Variants in PSORS1C1 observed in about 807,000 individuals in gnomAD.
The protein encoded by PSORS1C1 is psoriasis susceptibility 1 candidate 1.
PSORS1C1 carries 7 observed loss-of-function variants against 9.4 expected under a neutral mutation model. The ratio of observed to expected loss-of-function variants is 0.75; its 90% CI spans 0.42 to 1.40. The LOEUF (loss-of-function observed/expected upper bound fraction) is 1.40. Among genes scored for constraint, PSORS1C1 ranks in the 40% most tolerant of loss-of-function variants. PSORS1C1 has a pLI of 0.01. For synonymous variants in PSORS1C1, 63 were observed against 69.4 expected, an observed-to-expected ratio of 0.91 and a Z score of 0.46; for missense variants, 146 against 178.1, an observed-to-expected ratio of 0.82 and a Z score of 1.02.
chr6:31,131,334 T>G (rs1336934152), intron 3 of PSORS1C1, among the ~76,000 whole-genome samples: 2 of 152,088 alleles, frequency 1.3e-5, no homozygotes, highest in African/African-American at 4.8e-5. Context: ...TGGCTTATGC[T>G]TGTAATCCCA....
intron 3 of PSORS1C1, among the ~76,000 whole-genome samples, chr6:31,131,364 C>T (rs565414098): frequency 9.0e-4 from 137 of 152,128 alleles, no homozygotes; most frequent in African/African-American, 3.2e-3. Flanking sequence ...GAAGCCAAGG[C>T]TGGTGGATCA....
In PSORS1C1 at chr6:31,140,058, C is replaced by T. The variant is rs556638752; in HGVS notation, c.*126C>T. On this transcript the variant is annotated 3_prime_UTR_variant, in exon 6 of 6. Transcript: ENST00000259881. This position sits in a 1 kb window ranked among gnomAD's most constrained non-coding sequence, Gnocchi z 4.6. ...CTCCCAGGTTGTTCCCTGCCTGGTC[C>T]GCTACCCCACAGTAAGGAACACCTT... 147 of 850,986 alleles carry T rather than the reference C, an allele frequency of 1.7e-4. No homozygotes were observed. The East Asian group carries it at 3.2e-3, about 18-fold the overall frequency. 52.7% of individuals were successfully genotyped at this position (850,986 alleles called of 1,614,324 possible). A position where few individuals can be genotyped will look rare whatever the true frequency, so the allele number is the denominator to read the frequency against.
chr6:31,130,995 C>T (rs180761671), intron 3 of PSORS1C1, among the ~76,000 whole-genome samples: 3 of 151,930 alleles, frequency 2.0e-5, no homozygotes, highest in African/African-American at 4.8e-5. Context: ...GTTCAGCTAA[C>T]TTATTTTGTT....
rs763583045 is a variant in PSORS1C1, at chr6:31,139,685, T to A, written c.212T>A (p.Leu71Gln). 1 of 1,613,032 alleles carries A rather than the reference T, an allele frequency of 6.2e-7. No homozygotes were observed. The highest frequency in any genetic ancestry group is 2.2e-5 in the East Asian group (1 of 44,882). Residue 71 changes from leucine (L) to glutamine (Q), a missense_variant, in exon 6 of 6, where the codon CTG (leucine) becomes CAG (glutamine). By Grantham distance (113) the Leu-to-Gln change is moderately radical (BLOSUM62 -2). Transcript: ENST00000259881. This position sits in a 1 kb window ranked among gnomAD's most constrained non-coding sequence, Gnocchi z 5.2. ...GCAATGATATCCAAGGAATTCCATCTGGCAGCCACCCAGGATGACTGCAGA... is the reference window on the plus strand; with the variant it reads ...GCAATGATATCCAAGGAATTCCATCAGGCAGCCACCCAGGATGACTGCAGA... ...LQAMISKEFHLAATQDDCRKG... is the reference protein window; with the variant it reads ...LQAMISKEFHQAATQDDCRKG...
intron 1 of PSORS1C1, among the ~76,000 whole-genome samples, chr6:31,123,731 G>C (rs1484664865): frequency 6.6e-6 from 1 of 152,254 alleles, no homozygotes. Flanking sequence ...GCCCTGTGCT[G>C]CTGTGTTTGC....
chr6:31,116,322 G>A lies in PSORS1C1; in HGVS notation c.-229+1431G>A, dbSNP rs750708523. On this transcript the variant is annotated intron_variant, in intron 1 of 5. Transcript: ENST00000259881. The stretch of plus-strand genomic sequence containing the variant: ...TGGATTGGGAACTGGAGCTGCTGCT[G>A]AAGGAGCCGGTGCCTGGTGGGGAGC... 1.2e-5 allele frequency: 19 copies of A among 1,613,676 alleles called. No homozygotes were observed. In the Admixed American group the frequency reaches 1.3e-4, roughly 11 times the overall value.
chr6:31,130,506 G>C (rs1772864523), intron 3 of PSORS1C1, among the ~76,000 whole-genome samples: 1 of 151,892 alleles, frequency 6.6e-6, no homozygotes, highest in African/African-American at 2.4e-5. Context: ...CCGCCTCCCG[G>C]GTTCACGCCA....
chr6:31,119,959 C>T (rs1470177710), intron 1 of PSORS1C1, among the ~76,000 whole-genome samples: 1 of 152,068 alleles, frequency 6.6e-6, no homozygotes, highest in Non-Finnish European at 1.5e-5. Context: ...GTGCTTAAAA[C>T]AGAGTCTAGC....
At chr6:31,136,918 AGGTGGGCAGATCACGAT>A (rs937704024) in intron 3 of PSORS1C1, among the ~76,000 whole-genome samples, 5 of 152,172 alleles carry the variant, frequency 3.3e-5, no homozygotes, top group Admixed American at 3.3e-4. Flanking sequence ...TGGGAGGCCG[AGGTGGGCAGATCACGAT>A]GTCAGGAGTT....
Position 31,125,299 on chromosome 6 carries a change from C to T in PSORS1C1, c.-228-377C>T, listed in dbSNP as rs377214793. ...CTCCAGCGAGAGGCCGTTTCCTCTC[C>T]TCTCTCTTTCTCCATGACACCCACG... On this transcript the variant is annotated intron_variant, in intron 1 of 5. Transcript: ENST00000259881. Among the ~76,000 whole-genome samples, 94 of 152,134 alleles carry T rather than the reference C, an allele frequency of 6.2e-4. No homozygotes were observed. In the East Asian group the frequency reaches 8.1e-3, roughly 13 times the overall value.
chr6:31,116,898 G>A, intron 1 of PSORS1C1: 3 of 1,614,102 alleles, frequency 1.9e-6, no homozygotes, highest in Non-Finnish European at 2.5e-6. Flanking sequence ...AGCTGGGGAT[G>A]TAGGGGCCGG....
At chr6:31,120,519 G>A (rs1772403518) in intron 1 of PSORS1C1, 3 of 1,084,482 alleles carry the variant, frequency 2.8e-6, no homozygotes, top group Admixed American at 4.0e-5. Flanking sequence ...TGTGGGGAGA[G>A]GAGGAGAGGT....
At chr6:31,137,965 C>G (rs1248692773) in intron 3 of PSORS1C1, 1 of 1,496,158 alleles carries the variant, frequency 6.7e-7, no homozygotes, top group Non-Finnish European at 8.9e-7. Context: ...CTGTACTCTT[C>G]CCGGGGTGGG....
chr6:31,130,486 AC>A (rs1406955099), intron 3 of PSORS1C1, among the ~76,000 whole-genome samples: 1 of 151,402 alleles, frequency 6.6e-6, no homozygotes, highest in African/African-American at 2.4e-5. Context: ...ACCTCGGCTC[AC>A]TGCAACGTCC....
chr6:31,126,100 C>T (rs1359896604), intron 2 of PSORS1C1, among the ~76,000 whole-genome samples: 1 of 152,178 alleles, frequency 6.6e-6, no homozygotes, highest in Non-Finnish European at 1.5e-5. Context: ...GCACTTGGCT[C>T]TGACACAGCC....
chr6:31,117,760 T>C (rs1017667826), intron 1 of PSORS1C1: 6 of 573,196 alleles, frequency 1.0e-5, no homozygotes, highest in Admixed American at 3.0e-5. Flanking sequence ...ACCAGAAAAA[T>C]AGAAAATTAG....
chr6:31,117,563 G>T, intron 1 of PSORS1C1: 1 of 1,540,014 alleles, frequency 6.5e-7, no homozygotes, highest in South Asian at 1.2e-5. Context: ...TAAGGGCCAA[G>T]GAGGCTTGGC....
At chr6:31,117,219 G>T (rs764429175) in intron 1 of PSORS1C1, 5 of 1,613,844 alleles carry the variant, frequency 3.1e-6, no homozygotes, top group Non-Finnish European at 4.2e-6. Flanking sequence ...TCCCCAGCTG[G>T]GAGGAACCGG....
chr6:31,127,290 G>A lies in PSORS1C1; in HGVS notation c.-65+1451G>A, dbSNP rs142562409. 1.4e-3 allele frequency among the ~76,000 whole-genome samples: 210 copies of A among 152,172 alleles called. 2 individuals are homozygous for A. The East Asian group carries it at 0.015, about 11-fold the overall frequency. ...TGTTCTGGGCTGTCTGAGTGCCTCT[G>A]GGTGAGAGTCCTCACAGGAGGGAGC... On this transcript the variant is annotated intron_variant, in intron 2 of 5. Transcript: ENST00000259881.
Sources: allele counts gnomAD v4.1 joint callset (sites outside exome capture counted in the v4.1 genomes callset), GRCh38; gene constraint gnomAD v4.1.1; non-coding constraint Gnocchi (gnomAD v3.1); transcripts MANE v1.5; gene names NCBI Gene and HGNC (gene_info 2026-07-23, HGNC 2026-07-21).